Variants in DPF2 observed in about 807,000 individuals in gnomAD.
DPF2 encodes double PHD fingers 2, also known as zinc finger protein ubi-d4.
DPF2 carries 10 observed loss-of-function variants against 59.6 expected under a neutral mutation model. That is an observed-to-expected ratio of 0.17 (90% CI 0.10 to 0.28). DPF2 has a LOEUF of 0.28. Among genes scored for constraint, DPF2 ranks in the 10% least tolerant of loss-of-function variants. The pLI, the probability that DPF2 is intolerant of heterozygous loss-of-function variation, is 1.00. For synonymous variants in DPF2, 189 were observed against 190.6 expected, an observed-to-expected ratio of 0.99 and a Z score of 0.07; for missense variants, 315 against 509.4, an observed-to-expected ratio of 0.62 and a Z score of 3.67.
chr11:65,350,721 A>G (rs573324691), intron 10 of DPF2, among the ~76,000 whole-genome samples: 51 of 150,472 alleles, frequency 3.4e-4, no homozygotes, highest in Non-Finnish European at 6.2e-4. Flanking sequence ...CTGGCTGTGC[A>G]CTGTGGCTCG....
intron 4 of DPF2, 178 bp downstream of exon 4, chr11:65,341,740 TTCTAACTA>T: frequency 1.3e-6 from 1 of 747,994 alleles, no homozygotes. Context: ...TCTCTGTTGC[TTCTAACTA>T]TAGACTCTCA....
At position 65,344,088 on chromosome 11, in the gene DPF2, G is replaced by T; in HGVS notation, c.637+19G>T. 1 of 1,613,672 alleles carries T rather than the reference G, an allele frequency of 6.2e-7. No homozygotes were observed. Among genetic ancestry groups the T allele is most frequent in the Non-Finnish European group, 8.5e-7 (1 of 1,179,640 alleles). On this transcript the variant is annotated intron_variant, in intron 6 of 10. Transcript: ENST00000528416. Reference sequence around the variant, plus strand: ...TGTGACAGTGAGTGCCTCACAAGTGGGTGGGTAGACCTTGCCTTGGACCCA... The same window carrying T: ...TGTGACAGTGAGTGCCTCACAAGTGTGTGGGTAGACCTTGCCTTGGACCCA...
At chr11:65,343,320 AAAG>A (rs1227320982) in intron 4 of DPF2, among the ~76,000 whole-genome samples, 2 of 151,588 alleles carry the variant, frequency 1.3e-5, no homozygotes, top group Non-Finnish European at 1.5e-5. Flanking sequence ...AAAAAAAAAA[AAAG>A]CTTCCCACAA....
In DPF2 at chr11:65,346,136, A is replaced by G. The variant is rs4647589; in HGVS notation, c.904+78A>G. 228 of 1,601,114 alleles carry G rather than the reference A, an allele frequency of 1.4e-4. 3 individuals are homozygous for G. In the Admixed American group the frequency reaches 3.9e-3, roughly 27 times the overall value. ...GCTTGCTGGCCTCTAGGGCTGTCAT[A>G]ACCAGCCCACCTCGCTTTTCCTAAC... On this transcript the variant is annotated intron_variant, in intron 8 of 10. Transcript: ENST00000528416.
chr11:65,350,778 A>G (rs1854674538), intron 10 of DPF2, among the ~76,000 whole-genome samples: 1 of 149,704 alleles, frequency 6.7e-6, no homozygotes, highest in Admixed American at 6.7e-5. Flanking sequence ...CAGGGGTTCA[A>G]GACCAGCCTG....
In DPF2 at chr11:65,341,551, C is replaced by G; in HGVS notation, c.454C>G (p.Arg152Gly). Residue 152 changes from arginine (R) to glycine (G), a missense_variant, in exon 4 of 11, where the codon CGA (arginine) becomes GGA (glycine). Arg to Gly is a moderately radical substitution (Grantham distance 125). Transcript: ENST00000528416. The part of the protein sequence containing the change: ...SLGEFPVTNS[R>G]ARKRILEPDD... ...GGGCGAGTTTCCTGTGACCAACAGT[C>G]GAGCGCGAAAGGTACAGGATTATCC... 6.2e-7 allele frequency: 1 copy of G among 1,614,078 alleles called. No individual in the cohort carries two copies. The highest frequency in any genetic ancestry group is 8.5e-7 in the Non-Finnish European group (1 of 1,180,024).
At position 65,344,005 on chromosome 11, in the gene DPF2, C is replaced by T. The variant is rs1854456849; in HGVS notation, c.573C>T (p.Gly191=). Residue 191 remains glycine (G), a synonymous_variant, in exon 6 of 11, where the codon GGC becomes GGT. Transcript: ENST00000528416. ...GKGKSKGKGV[G]SARKKLDASI... is the part of the protein sequence containing the mutation. ...CTTCTTGGCAGGGTAAGGGTGTGGGCAGTGCCCGTAAGAAGCTGGATGCTT... is the reference window on the plus strand; with the variant it reads ...CTTCTTGGCAGGGTAAGGGTGTGGGTAGTGCCCGTAAGAAGCTGGATGCTT... The T allele has an allele frequency of 3.1e-6, 5 of 1,614,192 alleles. No homozygotes were observed. Among genetic ancestry groups the T allele is most frequent in the Non-Finnish European group, 4.2e-6 (5 of 1,180,020 alleles).
intron 3 of DPF2, 86 bp from the exon 4 acceptor site, chr11:65,341,313 C>G: frequency 1.3e-6 from 2 of 1,572,138 alleles, no homozygotes; most frequent in South Asian, 2.3e-5. Context: ...AGTGACAGAC[C>G]TTTGGTAAGC....
intron 1 of DPF2, 49 bp downstream of exon 1, chr11:65,333,967 C>T: frequency 6.2e-7 from 1 of 1,607,348 alleles, no homozygotes; most frequent in Non-Finnish European, 8.5e-7. Flanking sequence ...TTGTAAAGGG[C>T]CTGGGAGTAG....
intron 10 of DPF2, among the ~76,000 whole-genome samples, chr11:65,349,775 G>A (rs190361867): frequency 3.3e-4 from 50 of 150,966 alleles, no homozygotes; most frequent in African/African-American, 1.0e-3. Flanking sequence ...CAGCCTGGGC[G>A]ACAGAGCGAG....
At chr11:65,345,506 G>C (rs1347138081) in intron 6 of DPF2, 160 bp from the exon 7 acceptor site, 3 of 991,266 alleles carry the variant, frequency 3.0e-6, no homozygotes, top group African/African-American at 3.2e-5. Flanking sequence ...GCTCCTGGCT[G>C]AGGGGAAGTG....
intron 6 of DPF2, chr11:65,344,289 C>T: frequency 1.6e-6 from 1 of 625,982 alleles, no homozygotes; most frequent in Non-Finnish European, 2.8e-6. Flanking sequence ...CTGCCATCCT[C>T]TGGGGTAGGG....
intron 1 of DPF2, 99 bp downstream of exon 1, chr11:65,334,017 C>A: frequency 6.6e-7 from 1 of 1,524,032 alleles, no homozygotes; most frequent in South Asian, 1.2e-5. Flanking sequence ...AGAGGGACAT[C>A]CCCGGGAAAG....
chr11:65,336,048 A>G (rs972601886), intron 1 of DPF2, among the ~76,000 whole-genome samples: 1 of 151,268 alleles, frequency 6.6e-6, no homozygotes, highest in Non-Finnish European at 1.5e-5. Context: ...TCCTGACCTC[A>G]GGAGTTCACC....
intron 2 of DPF2, among the ~76,000 whole-genome samples, 188 bp downstream of exon 2, chr11:65,340,733 T>G (rs1854338099): frequency 6.6e-6 from 1 of 152,178 alleles, no homozygotes; most frequent in South Asian, 2.1e-4. Flanking sequence ...CTTTGTTTTC[T>G]GCCCTGCTGA....
At chr11:65,343,659 G>T in intron 4 of DPF2, 86 bp from the exon 5 acceptor site, 1 of 1,334,554 alleles carries the variant, frequency 7.5e-7, no homozygotes, top group Middle Eastern at 2.6e-4. Context: ...CACAGAGGAG[G>T]TTCTGGGTGG....
In DPF2 at chr11:65,352,225, C is replaced by A; in HGVS notation, c.*466C>A. The A allele has an allele frequency of 5.4e-6, 1 of 184,148 alleles. No individual in the cohort carries two copies. The highest frequency in any genetic ancestry group is 5.4e-5 in the Admixed American group (1 of 18,514). The allele number at this position is 184,148 out of a possible 1,614,324, so 11.4% of individuals were successfully genotyped here. A position where few individuals can be genotyped will look rare whatever the true frequency, so the allele number is the denominator to read the frequency against. On this transcript the variant is annotated 3_prime_UTR_variant, in exon 11 of 11. Transcript: ENST00000528416. ...CCACGTCCACAAGGAGCTTTTCATG[C>A]CCCTGTGCCGCATAGCCTCACCTCT... is the stretch of plus-strand genomic sequence containing the variant.
rs1178780322 is a variant in DPF2, at chr11:65,346,369, C to T, written c.1017+10C>T. 19 of 1,607,768 alleles carry T rather than the reference C, an allele frequency of 1.2e-5. No homozygotes were observed. The highest frequency in any genetic ancestry group is 1.5e-5 in the Non-Finnish European group (18 of 1,177,606). On this transcript the variant is annotated intron_variant, in intron 9 of 10. Coordinates refer to ENST00000528416, the MANE Select transcript of DPF2 (RefSeq NM_006268.5). The stretch of plus-strand genomic sequence containing the variant: ...CACCTCCGAGAATGACGTGTGTATC[C>T]CCGCCCCCTCCTCAGCATGGCTCCT...
chr11:65,345,516 G>A (rs1243005960), intron 6 of DPF2, 150 bp from the exon 7 acceptor site: 3 of 1,090,132 alleles, frequency 2.8e-6, no homozygotes, highest in South Asian at 3.1e-5. Flanking sequence ...GAGGGGAAGT[G>A]GCCGTCACTC....
Sources: allele counts gnomAD v4.1 joint callset (sites outside exome capture counted in the v4.1 genomes callset), GRCh38; gene constraint gnomAD v4.1.1; transcripts MANE v1.5; gene names NCBI Gene and HGNC (gene_info 2026-07-23, HGNC 2026-07-21).